Variants in TTBK1 observed in about 807,000 individuals in gnomAD.
The protein encoded by TTBK1 is tau tubulin kinase 1.
In TTBK1, 34 loss-of-function variants were observed where a neutral mutation model predicts 108.5. That is an observed-to-expected ratio of 0.31 (90% CI 0.24 to 0.42). TTBK1 has a LOEUF of 0.42. TTBK1 is among the 10% of genes least tolerant of loss of function. The probability of loss-of-function intolerance (pLI) is 1.00; values close to 1 mark genes in which losing one functional copy is unlikely to be tolerated. For synonymous variants in TTBK1, 809 were observed against 795.1 expected, an observed-to-expected ratio of 1.02 and a Z score of -0.29; for missense variants, 1,539 against 1,826.0, an observed-to-expected ratio of 0.84 and a Z score of 2.86.
At chr6:43,245,521 C>G (rs1433676385) in intron 1 of TTBK1, among the ~76,000 whole-genome samples, 1 of 151,522 alleles carries the variant, frequency 6.6e-6, no homozygotes, top group Admixed American at 6.6e-5. Context: ...GAAAAGCACA[C>G]AGACACACAG....
chr6:43,275,147 C>T (rs1412286455), intron 13 of TTBK1, among the ~76,000 whole-genome samples: 3 of 152,202 alleles, frequency 2.0e-5, no homozygotes, highest in Non-Finnish European at 2.9e-5. Context: ...GCGGCCCCGG[C>T]CGGGAGGGCA....
Position 43,273,129 on chromosome 6 carries a change from T to G in TTBK1, c.1987-9598T>G, listed in dbSNP as rs1777878663. Among the ~76,000 whole-genome samples the G allele has an allele frequency of 6.6e-6, 1 of 152,204 alleles. No homozygotes were observed. The highest frequency in any genetic ancestry group is 1.5e-5 in the Non-Finnish European group (1 of 68,036). Reference sequence around the variant, plus strand: ...GAGGTAGATCCCAGTATTATCTGCATTCAACAAATTAATCAGAACATTTTA... The same window carrying G: ...GAGGTAGATCCCAGTATTATCTGCAGTCAACAAATTAATCAGAACATTTTA... On this transcript the variant is annotated intron_variant, in intron 13 of 14. Coordinates refer to ENST00000259750, the MANE Select transcript of TTBK1 (RefSeq NM_032538.3). This position sits in a 1 kb window ranked among gnomAD's most constrained non-coding sequence, Gnocchi z 4.2.
chr6:43,253,655 G>C lies in TTBK1; in HGVS notation c.418G>C (p.Glu140Gln). Residue 140 changes from glutamate (E) to glutamine (Q), a missense_variant, in exon 5 of 15, where the codon GAG becomes CAG. This residue lies in a region of TTBK1 where 155 missense variants were observed against 348.5 expected (regional missense o/e 0.44). Coordinates refer to ENST00000259750, the MANE Select transcript of TTBK1 (RefSeq NM_032538.3). The surrounding 1 kb of genome is among the most constrained non-coding windows in gnomAD (Gnocchi z 5.8). Reference protein sequence around the residue: ...TTLRLGKQILESIEAIHSVGF... With the variant: ...TTLRLGKQILQSIEAIHSVGF... ...ATTGCGGCTGGGCAAGCAGATCTTGGAGTCCATCGAGGCCATCCACTCTGT... is the reference window on the plus strand; with the variant it reads ...ATTGCGGCTGGGCAAGCAGATCTTGCAGTCCATCGAGGCCATCCACTCTGT... 2.5e-6 allele frequency: 4 copies of C among 1,612,576 alleles called. No individual in the cohort carries two copies. Among genetic ancestry groups the C allele is most frequent in the Non-Finnish European group, 2.5e-6 (3 of 1,179,694 alleles).
intron 9 of TTBK1, 136 bp downstream of exon 9, chr6:43,255,992 C>CTT (rs1777371073): frequency 9.4e-7 from 1 of 1,065,534 alleles, no homozygotes; most frequent in African/African-American, 1.6e-5. Context: ...TCTAACTGCA[C>CTT]TAAAGGCATG....
Position 43,283,849 on chromosome 6 carries a change from G to A in TTBK1, c.3109G>A (p.Val1037Met), listed in dbSNP as rs745992907. 98 of 1,609,798 alleles carry A rather than the reference G, an allele frequency of 6.1e-5. 2 individuals are homozygous for A. The highest frequency in any genetic ancestry group is 6.0e-5 in the Non-Finnish European group (71 of 1,177,532). Residue 1037 changes from valine to methionine, a missense_variant, in exon 14 of 15, where the codon GTG (valine) becomes ATG (methionine). By Grantham distance (21) the Val-to-Met change is conservative. Coordinates refer to ENST00000259750, the MANE Select transcript of TTBK1 (RefSeq NM_032538.3). The surrounding 1 kb of genome is among the most constrained non-coding windows in gnomAD (Gnocchi z 8.1). Reference protein sequence around the residue: ...VSPLEPSPEKVATISPRRHAM... With the variant: ...VSPLEPSPEKMATISPRRHAM... ...CCCGCTGGAGCCAAGCCCTGAGAAA[G>A]TGGCCACCATCTCCCCCAGACGCCA...
chr6:43,255,854 C>A lies in TTBK1; in HGVS notation c.859C>A (p.Gln287Lys). The A allele has an allele frequency of 6.2e-7, 1 of 1,614,128 alleles. No individual in the cohort carries two copies. Among genetic ancestry groups the A allele is most frequent in the African/African-American group, 1.3e-5 (1 of 75,024 alleles). ...SLDYFTKPDY[Q>K]LIMSVFENSM... is the part of the protein sequence containing the mutation. ...CGACTACTTCACCAAGCCCGACTAC[C>A]AGGTGGGAGCCTGCTACCCTGCCCC... is the stretch of plus-strand genomic sequence containing the variant. The change falls in exon 9 of 15, where the codon CAG becomes AAG. Residue 287 changes from glutamine to lysine, a missense_variant and splice_region_variant. By Grantham distance (53) the Gln-to-Lys change is moderately conservative. Around this residue, in one of 5 missense-constraint regions of TTBK1, gnomAD observed 155 missense variants for 348.5 expected, o/e 0.44. Coordinates refer to ENST00000259750, the MANE Select transcript of TTBK1 (RefSeq NM_032538.3).
In TTBK1 at chr6:43,259,403, G is replaced by A. The variant is rs111342015; in HGVS notation, c.1249-128G>A. ...CCTGCTTGCCCTGCCTCTGTTTCCC[G>A]GTCCCTCCCCGCACTAGCCTCGCTG... On this transcript the variant is annotated intron_variant, in intron 11 of 14. Transcript: ENST00000259750. This position sits in a 1 kb window ranked among gnomAD's most constrained non-coding sequence, Gnocchi z 6.7. 112,807 of 1,295,488 alleles carry A rather than the reference G, an allele frequency of 0.087. 5,452 individuals carry two copies. Among genetic ancestry groups the A allele is most frequent in the Non-Finnish European group, 0.097 (92,030 of 952,296 alleles). 80.2% of individuals were successfully genotyped at this position (1,295,488 alleles called of 1,614,324 possible). A position where few individuals can be genotyped will look rare whatever the true frequency, so the allele number is the denominator to read the frequency against.
chr6:43,285,101 C>G lies in TTBK1; in HGVS notation c.3691C>G (p.Arg1231Gly), dbSNP rs1318340595. 1 of 1,477,984 alleles carries G rather than the reference C, an allele frequency of 6.8e-7. No homozygotes were observed. The highest frequency in any genetic ancestry group is 8.9e-7 in the Non-Finnish European group (1 of 1,122,450). The allele number at this position is 1,477,984 out of a possible 1,614,324, so 91.6% of individuals were successfully genotyped here. A position where few individuals can be genotyped will look rare whatever the true frequency, so the allele number is the denominator to read the frequency against. Residue 1231 changes from arginine to glycine, a missense_variant, in exon 15 of 15, where the codon CGC becomes GGC. Arg to Gly is a moderately radical substitution (Grantham distance 125). Transcript: ENST00000259750. The surrounding 1 kb of genome is among the most constrained non-coding windows in gnomAD (Gnocchi z 4.7). ...AGCCGGAGCCAGGCCCCCAGCGCCG[C>G]GCAGCCCGCGCCTCCCCGCGTCCAC... is the stretch of plus-strand genomic sequence containing the variant. ...AQAGARPPAP[R>G]SPRLPASTSA...
In TTBK1 at chr6:43,257,613, T is replaced by A. The variant is rs1777415058; in HGVS notation, c.862-199T>A. 6.6e-6 allele frequency among the ~76,000 whole-genome samples: 1 copy of A among 152,120 alleles called. No individual in the cohort carries two copies. The highest frequency in any genetic ancestry group is 1.5e-5 in the Non-Finnish European group (1 of 68,016). ...GTCAGTGGGGCTTAATCCAAGATGA[T>A]AATTTGCATGTTGATTTGCATATCA... On this transcript the variant is annotated intron_variant, in intron 9 of 14. Coordinates refer to ENST00000259750, the MANE Select transcript of TTBK1 (RefSeq NM_032538.3). This position sits in a 1 kb window ranked among gnomAD's most constrained non-coding sequence, Gnocchi z 4.5.
In TTBK1 at chr6:43,283,267, G is replaced by A. The variant is rs755169225; in HGVS notation, c.2527G>A (p.Asp843Asn). Residue 843 changes from aspartate (D) to asparagine (N), a missense_variant, in exon 14 of 15, where the codon GAC (aspartate) becomes AAC (asparagine). Physicochemically the swap from Asp to Asn is conservative, Grantham distance 23. Around this residue, in one of 5 missense-constraint regions of TTBK1, gnomAD observed 1,055 missense variants for 1,086.5 expected, o/e 0.97. Coordinates refer to ENST00000259750, the MANE Select transcript of TTBK1 (RefSeq NM_032538.3). This position sits in a 1 kb window ranked among gnomAD's most constrained non-coding sequence, Gnocchi z 8.1. ...AACGCTGGTGCTTGTCTCTCCTGGC[G>A]ACATGAAGAAGTCGCCCGTCACTGC... ...SKTLVLVSPG[D>N]MKKSPVTAEL... 4.5e-6 allele frequency: 7 copies of A among 1,557,270 alleles called. No homozygotes were observed. Among genetic ancestry groups the A allele is most frequent in the Middle Eastern group, 1.9e-4 (1 of 5,160 alleles).
chr6:43,285,254 C>T lies in TTBK1; in HGVS notation c.3844C>T (p.Gln1282Ter). Residue 1282 changes from glutamine to a stop codon, truncating the protein, a stop_gained, in exon 15 of 15, where the codon CAG becomes TAG. Transcript: ENST00000259750. LOFTEE classifies it high-confidence loss of function. The surrounding 1 kb of genome is among the most constrained non-coding windows in gnomAD (Gnocchi z 4.7). ...PPRGVPPARA[Q>*]PDGTPSPGGS... ...CCGGGGCGTCCCGCCGGCCCGGGCC[C>T]AGCCTGATGGCACCCCCTCCCCCGG... 1.5e-6 allele frequency: 2 copies of T among 1,297,658 alleles called. No homozygotes were observed. The highest frequency in any genetic ancestry group is 1.9e-6 in the Non-Finnish European group (2 of 1,027,486). 80.4% of individuals were successfully genotyped at this position (1,297,658 alleles called of 1,614,324 possible). A position where few individuals can be genotyped will look rare whatever the true frequency, so the allele number is the denominator to read the frequency against.
chr6:43,259,074 C>T lies in TTBK1; in HGVS notation c.1053C>T (p.Leu351=), dbSNP rs1384817115. Residue 351 remains leucine, a synonymous_variant, in exon 11 of 15, where the codon CTC becomes CTT. Coordinates refer to ENST00000259750, the MANE Select transcript of TTBK1 (RefSeq NM_032538.3). The surrounding 1 kb of genome is among the most constrained non-coding windows in gnomAD (Gnocchi z 6.7). ...TGACGCCAGTGCCTGGGGACCTGCT[C>T]CGGGAGAACACCGAGGATGTGCTAC... ...VNVTPVPGDL[L]RENTEDVLQG... The T allele has an allele frequency of 6.2e-7, 1 of 1,613,904 alleles. No individual in the cohort carries two copies. The highest frequency in any genetic ancestry group is 1.1e-5 in the South Asian group (1 of 91,072).
In TTBK1 at chr6:43,267,987, C is replaced by T. The variant is rs1185332858; in HGVS notation, c.1986+4637C>T. 2.0e-5 allele frequency among the ~76,000 whole-genome samples: 3 copies of T among 152,314 alleles called. No individual in the cohort carries two copies. In the East Asian group the frequency reaches 5.8e-4, roughly 29 times the overall value. Reference sequence around the variant, plus strand: ...ATGCAAAGGTCTAGAAAGATGTTAACAATCCAGGTCCATCAGGGAGATAAC... The same window carrying T: ...ATGCAAAGGTCTAGAAAGATGTTAATAATCCAGGTCCATCAGGGAGATAAC... On this transcript the variant is annotated intron_variant, in intron 13 of 14. Transcript: ENST00000259750.
intron 13 of TTBK1, among the ~76,000 whole-genome samples, chr6:43,264,616 G>A (rs1222868880): frequency 6.6e-6 from 1 of 152,134 alleles, no homozygotes; most frequent in Admixed American, 6.5e-5. Flanking sequence ...GAGAGGAGAA[G>A]GAGCTCTGCA....
chr6:43,267,076 C>T (rs1248807331), intron 13 of TTBK1, among the ~76,000 whole-genome samples: 2 of 149,368 alleles, frequency 1.3e-5, no homozygotes, highest in Non-Finnish European at 3.0e-5. Flanking sequence ...ACTGTCTGGG[C>T]CATGTCAGCA....
In TTBK1 at chr6:43,285,399, TCCCCCACCCTCACCCCGGC is replaced by T. The variant is rs1778348008; in HGVS notation, c.*33_*51del. The T allele has an allele frequency of 4.0e-6, 5 of 1,258,606 alleles. No individual in the cohort carries two copies. The highest frequency in any genetic ancestry group is 1.6e-5 in the African/African-American group (1 of 64,188). 78.0% of individuals were successfully genotyped at this position (1,258,606 alleles called of 1,614,324 possible). On this transcript the variant is annotated 3_prime_UTR_variant, in exon 15 of 15. Transcript: ENST00000259750. This position sits in a 1 kb window ranked among gnomAD's most constrained non-coding sequence, Gnocchi z 4.7. ...TAATGACGCCCGCTGCTCTCCGCGG[TCCCCCACCCTCACCCCGGC>T]CCCCCACCCGCAGCCGGCCACACTG...
At chr6:43,249,570 AT>A (rs539637497) in intron 2 of TTBK1, among the ~76,000 whole-genome samples, 2 of 148,722 alleles carry the variant, frequency 1.3e-5, no homozygotes, top group African/African-American at 2.5e-5. Flanking sequence ...TCCCCTGATG[AT>A]TTTTTTTTTA....
Position 43,273,542 on chromosome 6 carries a change from T to C in TTBK1, c.1987-9185T>C, listed in dbSNP as rs1030211299. On this transcript the variant is annotated intron_variant, in intron 13 of 14. Coordinates refer to ENST00000259750, the MANE Select transcript of TTBK1 (RefSeq NM_032538.3). The surrounding 1 kb of genome is among the most constrained non-coding windows in gnomAD (Gnocchi z 4.2). ...GCTCCAAAGCCTGACCTCAGTGGGA[T>C]TGGTGAGGTCCTAGGGGTCAGACTC... is the stretch of plus-strand genomic sequence containing the variant. Among the ~76,000 whole-genome samples the C allele has an allele frequency of 2.6e-5, 4 of 152,100 alleles. No homozygotes were observed. The highest frequency in any genetic ancestry group is 6.6e-5 in the Admixed American group (1 of 15,266).
chr6:43,253,497 G>C lies in TTBK1; in HGVS notation c.331-71G>C. On this transcript the variant is annotated intron_variant, in intron 4 of 14. Transcript: ENST00000259750. The surrounding 1 kb of genome is among the most constrained non-coding windows in gnomAD (Gnocchi z 5.8). ...CAACCCTTTGGGGTGAGGCTGGGAAGAGTATCACAATGATGGTGTCTGGGA... is the reference window on the plus strand; with the variant it reads ...CAACCCTTTGGGGTGAGGCTGGGAACAGTATCACAATGATGGTGTCTGGGA... The C allele has an allele frequency of 1.9e-6, 3 of 1,588,118 alleles. No individual in the cohort carries two copies. The highest frequency in any genetic ancestry group is 2.6e-6 in the Non-Finnish European group (3 of 1,166,710).
Sources: gnomAD v4.1 joint callset for allele counts (sites outside exome capture counted in the v4.1 genomes callset) on GRCh38, gnomAD v4.1.1 for gene constraint, gnomAD v4.1.1 regional missense constraint, Gnocchi (gnomAD v3.1) non-coding constraint, MANE v1.5 for transcripts, NCBI Gene and HGNC (gene_info 2026-07-23, HGNC 2026-07-21) for gene names.